Variants in ATRX observed in about 807,000 individuals in gnomAD.
ATRX encodes the protein chromatin remodeler ATRX.
A neutral mutation model predicts 172.6 loss-of-function variants in ATRX; 12 were observed. The ratio of observed to expected loss-of-function variants is 0.07; its 90% CI spans 0.04 to 0.11. ATRX has a LOEUF of 0.11. ATRX is among the 10% of genes least tolerant of loss of function. ATRX has a pLI of 1.00. For synonymous variants in ATRX, 674 were observed against 594.7 expected (o/e 1.13, Z -1.94); for missense variants, 1,368 against 1,767.4 (o/e 0.77, Z 4.05).
At chrX:77,648,584 G>T (rs2069035034) in intron 15 of ATRX, among the ~76,000 whole-genome samples, 1 of 103,182 alleles carries the variant, frequency 9.7e-6, no homozygotes, top group Non-Finnish European at 2.0e-5. Flanking sequence ...ATAGAAAAGG[G>T]TCAAACAATA....
At chrX:77,591,611 C>T (rs1367765064) in intron 26 of ATRX, among the ~76,000 whole-genome samples, 1 of 111,485 alleles carries the variant, frequency 9.0e-6, no homozygotes, top group African/African-American at 3.3e-5. Context: ...GAGCTCCACA[C>T]TGTTGGAGTC....
intron 1 of ATRX, among the ~76,000 whole-genome samples, chrX:77,780,451 T>C (rs782701671): frequency 2.7e-5 from 3 of 109,601 alleles, no homozygotes; most frequent in South Asian, 4.1e-4. Flanking sequence ...TCAGCCTCCC[T>C]AGTAGCTGAG....
intron 12 of ATRX, among the ~76,000 whole-genome samples, 187 bp from the exon 13 acceptor site, chrX:77,656,840 T>G (rs1318507331): frequency 1.8e-5 from 2 of 112,094 alleles, no homozygotes; most frequent in East Asian, 2.8e-4. Context: ...AAAATTCAGA[T>G]GTATTTCTAA....
intron 1 of ATRX, among the ~76,000 whole-genome samples, chrX:77,748,679 T>G (rs1327393962): frequency 1.9e-5 from 2 of 106,691 alleles, no homozygotes; most frequent in Non-Finnish European, 3.9e-5. Flanking sequence ...CTCCGCCTCC[T>G]GGGTTCAAGT....
chrX:77,745,671 AGAAT>A (rs2075044264), intron 1 of ATRX, among the ~76,000 whole-genome samples: 1 of 111,371 alleles, frequency 9.0e-6, no homozygotes, highest in African/African-American at 3.3e-5. Flanking sequence ...ATAGTTAGAT[AGAAT>A]GAATAAGACC....
At chrX:77,694,272 C>A (rs1359610577) in intron 5 of ATRX, among the ~76,000 whole-genome samples, 1 of 111,913 alleles carries the variant, frequency 8.9e-6, no homozygotes, top group African/African-American at 3.2e-5. Context: ...ATATGAACAT[C>A]TATGCTAAGT....
intron 1 of ATRX, among the ~76,000 whole-genome samples, chrX:77,766,313 G>GT (rs2075926718): frequency 9.2e-6 from 1 of 109,194 alleles, no homozygotes; most frequent in South Asian, 3.9e-4. Flanking sequence ...CTGGCCGGGC[G>GT]GGGGGCTGAC....
intron 1 of ATRX, among the ~76,000 whole-genome samples, chrX:77,756,555 T>G (rs782262982): frequency 9.0e-6 from 1 of 110,552 alleles, no homozygotes; most frequent in South Asian, 3.9e-4. Context: ...CTGTGCCGGA[T>G]AGCATAGACT....
At chrX:77,638,885 A>C (rs1196995425) in intron 15 of ATRX, among the ~76,000 whole-genome samples, 1 of 112,558 alleles carries the variant, frequency 8.9e-6, no homozygotes, top group African/African-American at 3.2e-5. Flanking sequence ...AATGATTATC[A>C]ATAGTTTCCA....
chrX:77,677,729 CA>C (rs1187869172), intron 9 of ATRX, among the ~76,000 whole-genome samples: 4 of 101,698 alleles, frequency 3.9e-5, no homozygotes, highest in African/African-American at 1.1e-4. Context: ...GCTAAAAAGG[CA>C]AAAAAAAGAT....
intron 27 of ATRX, among the ~76,000 whole-genome samples, chrX:77,577,306 TC>T (rs2065654015): frequency 1.8e-5 from 2 of 111,587 alleles, no homozygotes; most frequent in African/African-American, 6.5e-5. Context: ...TAGTAGCCCA[TC>T]CTAATGGGTG....
At chrX:77,546,902 C>T (rs1204023977) in intron 30 of ATRX, among the ~76,000 whole-genome samples, 3 of 112,005 alleles carry the variant, frequency 2.7e-5, no homozygotes, top group African/African-American at 9.7e-5. Context: ...GCAATTTTAG[C>T]ACAAAAATTC....
chrX:77,640,064 C>CA (rs1353268698), intron 15 of ATRX, among the ~76,000 whole-genome samples: 1 of 112,015 alleles, frequency 8.9e-6, no homozygotes, highest in Non-Finnish European at 1.9e-5. Flanking sequence ...TAAATCTAAG[C>CA]AAATTCACAT....
rs141086226 is a variant in ATRX at position 77,613,349 on chromosome X, T to C, written c.5566+3264A>G. ...TGCATTCCTCTAATGAGTAGATATG[T>C]TGAGCATTTTTTTATGTGCTTATTG... On this transcript the variant is annotated intron_variant, in intron 22 of 34. Transcript: ENST00000373344. Among the ~76,000 whole-genome samples, 44 of 111,106 alleles carry C rather than the reference T, an allele frequency of 4.0e-4. 1 individual carries two copies. The highest frequency in any genetic ancestry group is 1.4e-3 in the African/African-American group (42 of 30,625).
At chrX:77,585,326 C>A (rs1394055382) in intron 27 of ATRX, among the ~76,000 whole-genome samples, 2 of 109,301 alleles carry the variant, frequency 1.8e-5, no homozygotes, top group Non-Finnish European at 3.8e-5. Flanking sequence ...ATAATCCCAG[C>A]ACTTTGGGAG....
At chrX:77,614,268 T>A (rs782283672) in intron 22 of ATRX, among the ~76,000 whole-genome samples, 4 of 112,179 alleles carry the variant, frequency 3.6e-5, no homozygotes, top group Non-Finnish European at 1.9e-5. Flanking sequence ...AGATTTGTAC[T>A]GAGAATCAAG....
At chrX:77,775,616 C>T (rs2076320039) in intron 1 of ATRX, among the ~76,000 whole-genome samples, 1 of 111,179 alleles carries the variant, frequency 9.0e-6, no homozygotes, top group Non-Finnish European at 1.9e-5. Flanking sequence ...ACCAGGGAGG[C>T]GGAGGCTGCA....
Position 77,747,481 on chromosome X carries a change from G to A in ATRX, c.21-30238C>T, listed in dbSNP as rs782464721. 4.5e-5 allele frequency among the ~76,000 whole-genome samples: 5 copies of A among 111,295 alleles called. 1 individual carries two copies. In the South Asian group the frequency reaches 1.5e-3, roughly 34 times the overall value. On this transcript the variant is annotated intron_variant, in intron 1 of 34. Transcript: ENST00000373344. ...GGGGGTTGCAGTGAGCTGAGACTGC[G>A]CTACTGCACTCCAGCCTGAGCTATA...
At chrX:77,693,761 C>A (rs1050852960) in intron 6 of ATRX, 63 bp downstream of exon 6, 6 of 935,333 alleles carry the variant, frequency 6.4e-6, no homozygotes, top group Non-Finnish European at 7.7e-6. Context: ...TAAGCACATC[C>A]GATTTTCCAA....
Sources: gnomAD v4.1 joint callset for allele counts (sites outside exome capture counted in the v4.1 genomes callset) on GRCh38, gnomAD v4.1.1 for gene constraint, MANE v1.5 for transcripts, NCBI Gene and HGNC (gene_info 2026-07-23, HGNC 2026-07-21) for gene names.